The following EIF4E3 variants were observed in gnomAD, a reference collection of about 807,000 sequenced individuals.
The protein encoded by EIF4E3 is eukaryotic translation initiation factor 4E type 3.
EIF4E3 carries 26 observed loss-of-function variants against 31.7 expected under a neutral mutation model. The ratio of observed to expected loss-of-function variants is 0.82; its 90% CI spans 0.60 to 1.14. The LOEUF is 1.14. EIF4E3 is among the 50% of genes most tolerant of loss of function. The pLI is 0.00. For synonymous variants in EIF4E3, 128 were observed against 107.7 expected, an observed-to-expected ratio of 1.19 and a Z score of -1.17; for missense variants, 304 against 270.9, an observed-to-expected ratio of 1.12 and a Z score of -0.86.
At chr3:71,714,928 T>C (rs2049441796) in intron 1 of EIF4E3, among the ~76,000 whole-genome samples, 1 of 152,210 alleles carries the variant, frequency 6.6e-6, no homozygotes, top group African/African-American at 2.4e-5. Flanking sequence ...GAAGGAAACA[T>C]TTTTACTGGT....
chr3:71,671,592 G>A (rs1303628907), downstream of EIF4E3, among the ~76,000 whole-genome samples: 1 of 152,210 alleles, frequency 6.6e-6, no homozygotes, highest in South Asian at 2.1e-4. Flanking sequence ...ATGAGAGATG[G>A]GCCCGTGTGA....
At chr3:71,694,897 T>G (rs2049113876) in intron 4 of EIF4E3, among the ~76,000 whole-genome samples, 1 of 152,210 alleles carries the variant, frequency 6.6e-6, no homozygotes, top group South Asian at 2.1e-4. Flanking sequence ...GCTTAACATT[T>G]AAGATCCATG....
intron 3 of EIF4E3, among the ~76,000 whole-genome samples, chr3:71,697,312 T>C (rs2049153274): frequency 1.3e-5 from 2 of 152,200 alleles, no homozygotes; most frequent in Admixed American, 6.5e-5. Context: ...TGAGCCACCA[T>C]ATCTGGCCTA....
chr3:71,754,218 C>G, upstream of EIF4E3: 1 of 1,388,246 alleles, frequency 7.2e-7, no homozygotes, highest in Non-Finnish European at 9.5e-7. This position sits in a 1 kb window ranked among gnomAD's most constrained non-coding sequence, Gnocchi z 5.8. Context: ...GTACTACCTG[C>G]TGCTCGACCT....
Position 71,699,686 on chromosome 3 carries a change from TTATTGTA to T in EIF4E3, c.265_271del (p.Tyr89IlefsTer5). ...AGGCAGGCTAGTCACAGGAGGGATA[TTATTGTA>T]TACACTCCAAAATATCTTTAAAAGA... On this transcript the variant is annotated frameshift_variant, in exon 3 of 7. Transcript: ENST00000425534. LOFTEE classifies it high-confidence loss of function. 6.2e-7 allele frequency: 1 copy of T among 1,613,336 alleles called. No individual in the cohort carries two copies. Among genetic ancestry groups the T allele is most frequent in the Non-Finnish European group, 8.5e-7 (1 of 1,179,756 alleles).
intron 4 of EIF4E3, among the ~76,000 whole-genome samples, chr3:71,694,651 T>C (rs2049109676): frequency 6.6e-6 from 1 of 152,198 alleles, no homozygotes. Flanking sequence ...AAGTTCTTGG[T>C]CCCATTTATC....
chr3:71,745,469 G>A (rs778316151), intron 1 of EIF4E3, among the ~76,000 whole-genome samples: 1 of 152,080 alleles, frequency 6.6e-6, no homozygotes. Context: ...CATTTTATAT[G>A]GATGTACCCC....
At chr3:71,701,282 T>G (rs941339018) in intron 2 of EIF4E3, among the ~76,000 whole-genome samples, 5 of 152,208 alleles carry the variant, frequency 3.3e-5, no homozygotes, top group Admixed American at 1.3e-4. Context: ...CCAGGCTTTG[T>G]TCTATGAACA....
rs1477240208 is a variant in EIF4E3 at position 71,679,656 on chromosome 3, C to T, written c.*5026G>A. On this transcript the variant is annotated 3_prime_UTR_variant, in exon 7 of 7. Transcript: ENST00000425534. Reference sequence around the variant, plus strand: ...TGACTTTGCAATGACTTTTGCTTATCACTCACATCGTTTAGGGAATACTTA... The same window carrying T: ...TGACTTTGCAATGACTTTTGCTTATTACTCACATCGTTTAGGGAATACTTA... 1.3e-5 allele frequency: 2 copies of T among 152,278 alleles called. No individual in the cohort carries two copies. The highest frequency in any genetic ancestry group is 4.1e-4 in the South Asian group (2 of 4,824). The allele number at this position is 152,278 out of a possible 1,614,324, so 9.4% of individuals were successfully genotyped here. A position where few individuals can be genotyped will look rare whatever the true frequency, so the allele number is the denominator to read the frequency against.
chr3:71,723,294 G>A (rs1010774948), intron 1 of EIF4E3, among the ~76,000 whole-genome samples: 7 of 152,138 alleles, frequency 4.6e-5, no homozygotes, highest in African/African-American at 1.7e-4. Context: ...CACAGAAGGA[G>A]AAAAAGTTCA....
intron 1 of EIF4E3, among the ~76,000 whole-genome samples, chr3:71,732,999 G>A (rs72953220): frequency 0.012 from 1,866 of 152,294 alleles, 45 homozygotes; most frequent in African/African-American, 0.043. Context: ...GTTGATTCTC[G>A]TTTCCTTATC....
At chr3:71,722,455 T>C (rs1463786180) in intron 1 of EIF4E3, among the ~76,000 whole-genome samples, 1 of 152,100 alleles carries the variant, frequency 6.6e-6, no homozygotes, top group African/African-American at 2.4e-5. Context: ...CGGGTCACCA[T>C]AAGATCAAAA....
chr3:71,711,668 G>A (rs1049870520), intron 1 of EIF4E3, among the ~76,000 whole-genome samples: 1 of 152,188 alleles, frequency 6.6e-6, no homozygotes, highest in Non-Finnish European at 1.5e-5. Flanking sequence ...CCTAAGAGTT[G>A]AACCTGAATA....
At chr3:71,706,828 A>G (rs568974616) in intron 2 of EIF4E3, among the ~76,000 whole-genome samples, 17 of 151,806 alleles carry the variant, frequency 1.1e-4, no homozygotes, top group Non-Finnish European at 2.1e-4. Context: ...GTTTCTGAAG[A>G]AAAAAAAATT....
At position 71,738,226 on chromosome 3, in the gene EIF4E3, C is replaced by A. The variant is rs376526720; in HGVS notation, c.-290-9603G>T. On this transcript the variant is annotated intron_variant, in intron 1 of 7. Coordinates refer to the EIF4E3 transcript ENST00000295612. ...CTAGTTTCTCTAGCCAAAGGAGCAG[C>A]CTTGCAAGACAGAAAACTAACTATG... Among the ~76,000 whole-genome samples the A allele has an allele frequency of 4.2e-4, 64 of 152,278 alleles. No homozygotes were observed. In the South Asian group the frequency reaches 0.012, roughly 30 times the overall value.
chr3:71,670,367 C>CT, the EIF4E3 span, among the ~76,000 whole-genome samples: 1 of 152,252 alleles, frequency 6.6e-6, no homozygotes, highest in East Asian at 1.9e-4. Context: ...TTTGCCCCTC[C>CT]TTTTTCCCAT....
chr3:71,724,963 G>A (rs938719622), intron 1 of EIF4E3, among the ~76,000 whole-genome samples: 1 of 152,138 alleles, frequency 6.6e-6, no homozygotes, highest in African/African-American at 2.4e-5. Context: ...GGGCTGCGCT[G>A]TCCTCCCCCG....
rs1041237673 is a variant in EIF4E3, at chr3:71,684,598, C to T, written c.*84G>A. 1.5e-5 allele frequency: 23 copies of T among 1,555,536 alleles called. No individual in the cohort carries two copies. The highest frequency in any genetic ancestry group is 1.9e-5 in the Non-Finnish European group (22 of 1,131,906). ...CTAAATTGACCAGCATCGGCTTCGG[C>T]AAGTCTTCTCTTCACTCTCCCTCCT... On this transcript the variant is annotated 3_prime_UTR_variant, in exon 7 of 7. Coordinates refer to ENST00000425534, the MANE Select transcript of EIF4E3 (RefSeq NM_001134651.2).
upstream of EIF4E3, among the ~76,000 whole-genome samples, chr3:71,727,006 C>G (rs1349686055): frequency 6.6e-6 from 1 of 152,192 alleles, no homozygotes; most frequent in East Asian, 1.9e-4. Flanking sequence ...ACCCATTTTA[C>G]AGATGAGGAA....
Sources: allele counts gnomAD v4.1 joint callset (sites outside exome capture counted in the v4.1 genomes callset), GRCh38; gene constraint gnomAD v4.1.1; non-coding constraint Gnocchi (gnomAD v3.1); transcripts MANE v1.5; gene names NCBI Gene and HGNC (gene_info 2026-07-23, HGNC 2026-07-21).